GRIN2A: variants seen among roughly 807,000 people sequenced by gnomAD.
The protein encoded by GRIN2A is glutamate receptor ionotropic, NMDA 2A.
A neutral mutation model predicts 113.4 loss-of-function variants in GRIN2A; 22 were observed. The observed-to-expected ratio is 0.19, with a 90% confidence interval of 0.14 to 0.28. The LOEUF is 0.28. GRIN2A is among the 10% of genes least tolerant of loss of function. The pLI is 1.00. For synonymous variants in GRIN2A, 827 were observed against 738.4 expected (o/e 1.12, Z -1.94); for missense variants, 1,502 against 1,887.0 (o/e 0.80, Z 3.78).
intron 2 of GRIN2A, among the ~76,000 whole-genome samples, chr16:10,013,399 A>G (rs994840415): frequency 3.9e-5 from 6 of 152,194 alleles, no homozygotes; most frequent in Admixed American, 3.3e-4. Flanking sequence ...TCATCCCAAT[A>G]AGTGAGAGCT....
chr16:9,785,012 A>G (rs71379052), intron 11 of GRIN2A, among the ~76,000 whole-genome samples: 56,788 of 152,012 alleles, frequency 0.37, 11,514 homozygotes, highest in African/African-American at 0.55. Context: ...TAGTTCAACC[A>G]TTGTGGAAGT....
At chr16:9,772,879 C>T (rs1002689541) in intron 11 of GRIN2A, among the ~76,000 whole-genome samples, 10 of 134,186 alleles carry the variant, frequency 7.5e-5, no homozygotes, top group East Asian at 2.1e-4. Context: ...CAAACAATAC[C>T]TCTTTTTAGA....
intron 2 of GRIN2A, among the ~76,000 whole-genome samples, chr16:10,044,778 C>T (rs888579098): frequency 6.6e-6 from 1 of 151,760 alleles, no homozygotes; most frequent in African/African-American, 2.4e-5. Flanking sequence ...ATCATGTGTT[C>T]GAATCTGATT....
intron 2 of GRIN2A, among the ~76,000 whole-genome samples, chr16:9,996,763 T>A (rs994111688): frequency 6.6e-6 from 1 of 152,290 alleles, no homozygotes; most frequent in African/African-American, 2.4e-5. Context: ...CATAGACTAA[T>A]CACTCATCAA....
chr16:10,026,009 C>T (rs896390144), intron 2 of GRIN2A, among the ~76,000 whole-genome samples: 15 of 152,326 alleles, frequency 9.8e-5, no homozygotes, highest in African/African-American at 3.6e-4. Flanking sequence ...CTTTGACTCA[C>T]ACAATACTGT....
intron 2 of GRIN2A, among the ~76,000 whole-genome samples, chr16:10,113,084 G>T (rs2048652181): frequency 6.8e-6 from 1 of 147,192 alleles, no homozygotes; most frequent in Non-Finnish European, 1.5e-5. Context: ...TGCTCCCTGG[G>T]CCAGGCTGCC....
intron 2 of GRIN2A, among the ~76,000 whole-genome samples, chr16:10,096,695 A>G (rs571327315): frequency 2.6e-5 from 4 of 152,146 alleles, no homozygotes; most frequent in Non-Finnish European, 5.9e-5. Flanking sequence ...TGTTCTAACT[A>G]TCAGTTCTTT....
intron 2 of GRIN2A, among the ~76,000 whole-genome samples, chr16:10,065,675 G>A (rs79757641): frequency 0.013 from 2,045 of 152,272 alleles, 52 homozygotes; most frequent in African/African-American, 0.047. Flanking sequence ...GACTTGTAGC[G>A]TGTGCTCAGT....
At position 9,768,970 on chromosome 16, in the gene GRIN2A, C is replaced by T. The variant is rs2141150592; in HGVS notation, c.2476G>A (p.Ala826Thr). Residue 826 changes from alanine to threonine, a missense_variant, in exon 12 of 13, where the codon GCC becomes ACC. Transcript: ENST00000330684. ...NMAGVFYMLA[A>T]AMALSLITFI... Reference sequence around the variant, plus strand: ...GTGATGAGGCTAAGGGCCATGGCGGCAGCCAGCATGTAGAATACGCCCGCC... The same window carrying T: ...GTGATGAGGCTAAGGGCCATGGCGGTAGCCAGCATGTAGAATACGCCCGCC... The T allele has an allele frequency of 1.2e-6, 2 of 1,614,036 alleles. No homozygotes were observed. Among genetic ancestry groups the T allele is most frequent in the Non-Finnish European group, 8.5e-7 (1 of 1,179,912 alleles).
intron 2 of GRIN2A, among the ~76,000 whole-genome samples, chr16:10,057,725 G>A (rs1390783909): frequency 6.6e-6 from 1 of 152,152 alleles, no homozygotes; most frequent in Non-Finnish European, 1.5e-5. Flanking sequence ...CAGAGGACAG[G>A]GAGTCCACTG....
chr16:10,077,274 T>C (rs1229061402), intron 2 of GRIN2A, among the ~76,000 whole-genome samples: 1 of 152,202 alleles, frequency 6.6e-6, no homozygotes, highest in African/African-American at 2.4e-5. Flanking sequence ...CTGTGTGTAA[T>C]TTGTTATAGC....
intron 11 of GRIN2A, among the ~76,000 whole-genome samples, chr16:9,782,720 C>T (rs927595894): frequency 5.3e-5 from 8 of 152,202 alleles, no homozygotes; most frequent in African/African-American, 1.9e-4. Context: ...TGAATCTCAA[C>T]AGGCCCATTA....
chr16:9,903,333 C>T (rs1423049528), intron 3 of GRIN2A, among the ~76,000 whole-genome samples: 3 of 152,166 alleles, frequency 2.0e-5, no homozygotes, highest in Non-Finnish European at 4.4e-5. Flanking sequence ...TCCTGCTATT[C>T]TCTGAGGATT....
intron 2 of GRIN2A, among the ~76,000 whole-genome samples, chr16:10,067,100 C>A (rs1397228533): frequency 6.6e-6 from 1 of 152,204 alleles, no homozygotes; most frequent in Non-Finnish European, 1.5e-5. Context: ...TTTTCTCTAG[C>A]AAATTCCCTC....
chr16:9,779,172 C>G (rs1459297132), intron 11 of GRIN2A, among the ~76,000 whole-genome samples: 1 of 152,198 alleles, frequency 6.6e-6, no homozygotes, highest in East Asian at 1.9e-4. Context: ...AAGCATGGAG[C>G]CTGGTCTCCC....
intron 2 of GRIN2A, among the ~76,000 whole-genome samples, chr16:9,987,732 T>C (rs919534423): frequency 1.3e-5 from 2 of 152,216 alleles, no homozygotes; most frequent in Admixed American, 1.3e-4. Flanking sequence ...ATGTCAGAGG[T>C]AATGGTCTTA....
chr16:9,817,746 C>T (rs1276810492), intron 10 of GRIN2A, among the ~76,000 whole-genome samples: 3 of 152,148 alleles, frequency 2.0e-5, no homozygotes, highest in Non-Finnish European at 2.9e-5. Context: ...CAGGACTCTC[C>T]CAGAAAATTA....
At chr16:9,874,253 C>A (rs370687231) in intron 4 of GRIN2A, among the ~76,000 whole-genome samples, 30 of 152,280 alleles carry the variant, frequency 2.0e-4, no homozygotes, top group African/African-American at 6.7e-4. Flanking sequence ...TTTCAAAAGA[C>A]AATGGCTAGA....
intron 10 of GRIN2A, among the ~76,000 whole-genome samples, chr16:9,813,900 C>A (rs751215202): frequency 1.4e-4 from 22 of 152,134 alleles, no homozygotes; most frequent in South Asian, 4.1e-4. Context: ...GATGTCTATG[C>A]CCGCTTTCGA....
Sources: allele counts gnomAD v4.1 joint callset (sites outside exome capture counted in the v4.1 genomes callset), GRCh38; gene constraint gnomAD v4.1.1; transcripts MANE v1.5; gene names NCBI Gene and HGNC (gene_info 2026-07-23, HGNC 2026-07-21).